Variants in RBMXL1 observed in about 807,000 individuals in gnomAD.
RBMXL1 encodes the protein RBMX like 1.
RBMXL1 carries 18 observed loss-of-function variants against 29.0 expected under a neutral mutation model. That is an observed-to-expected ratio of 0.62 (90% CI 0.43 to 0.92). The LOEUF is 0.92. RBMXL1 is among the 40% of genes least tolerant of loss of function. The pLI is 0.00. For missense variants in RBMXL1, 403 were observed against 495.8 expected (o/e 0.81, Z 1.78); for synonymous variants, 141 against 170.4 (o/e 0.83, Z 1.34).
chr1:88,985,833 C>G (rs188775275), intron 2 of RBMXL1, among the ~76,000 whole-genome samples: 17 of 152,222 alleles, frequency 1.1e-4, no homozygotes, highest in Admixed American at 8.5e-4. Context: ...CTAAAGGAGG[C>G]AAAGAGATAT....
At chr1:88,992,451 CCACCCCCGCAGG>C (rs913643691) in intron 1 of RBMXL1, 122 bp downstream of exon 1, 9 of 152,826 alleles carry the variant, frequency 5.9e-5, no homozygotes, top group Admixed American at 4.6e-4. Context: ...CTCCCTGCAG[CCACCCCCGCAGG>C]CGGCCCCGCA....
rs2101079753 is a variant in RBMXL1, at chr1:88,981,730, A to G, written c.*924T>C. ...GTGAATCAATCAGCACTCCACAAAC[A>G]TAATGAGCACAATCTTCAACCATCT... On this transcript the variant is annotated 3_prime_UTR_variant, in exon 3 of 3. Transcript: ENST00000652648. 1 of 181,322 alleles carries G rather than the reference A, an allele frequency of 5.5e-6. No individual in the cohort carries two copies. Among genetic ancestry groups the G allele is most frequent in the Middle Eastern group, 5.0e-4 (1 of 1,986 alleles). The allele number at this position is 181,322 out of a possible 1,614,324, so 11.2% of individuals were successfully genotyped here.
intron 1 of RBMXL1, 57 bp downstream of exon 1, chr1:88,992,528 G>C (rs1677874180): frequency 6.6e-6 from 1 of 152,304 alleles, no homozygotes; most frequent in African/African-American, 2.4e-5. Flanking sequence ...ACGCCGGGAC[G>C]GCCCTAGTCA....
chr1:88,990,845 A>C (rs1363668327), intron 1 of RBMXL1, among the ~76,000 whole-genome samples: 1 of 152,212 alleles, frequency 6.6e-6, no homozygotes, highest in African/African-American at 2.4e-5. Flanking sequence ...TAATGCAATC[A>C]ACATTGCATA....
At chr1:88,984,256 C>T (rs1270329441) in intron 2 of RBMXL1, among the ~76,000 whole-genome samples, 190 bp from the exon 3 acceptor site, 1 of 129,096 alleles carries the variant, frequency 7.7e-6, no homozygotes, top group Non-Finnish European at 1.6e-5. Context: ...ACAGTGTTGC[C>T]CAGGCTGGAG....
rs750023345 is a variant in RBMXL1, at chr1:88,982,997, C to T, written c.830G>A (p.Ser277Asn). Residue 277 changes from serine (S) to asparagine (N), a missense_variant, in exon 3 of 3, where the codon AGT (serine) becomes AAT (asparagine). Transcript: ENST00000652648. Reference sequence around the variant, plus strand: ...ATATGAATCTCTGTAGGAACCTCCACTTGGATGATCTGAATAGTCACGATC... The same window carrying T: ...ATATGAATCTCTGTAGGAACCTCCATTTGGATGATCTGAATAGTCACGATC... Reference protein sequence around the residue: ...GRDRDYSDHPSGGSYRDSYES... With the variant: ...GRDRDYSDHPNGGSYRDSYES... 6.8e-6 allele frequency: 11 copies of T among 1,613,180 alleles called. No homozygotes were observed. In the African/African-American group the frequency reaches 1.1e-4, roughly 16 times the overall value.
Position 88,984,029 on chromosome 1 carries a change from T to A in RBMXL1, c.-203A>T, listed in dbSNP as rs999302751. 4.1e-6 allele frequency: 2 copies of A among 488,820 alleles called. No individual in the cohort carries two copies. Among genetic ancestry groups the A allele is most frequent in the Non-Finnish European group, 3.9e-6 (1 of 259,630 alleles). The allele number at this position is 488,820 out of a possible 1,614,324, so 30.3% of individuals were successfully genotyped here. A position where few individuals can be genotyped will look rare whatever the true frequency, so the allele number is the denominator to read the frequency against. On this transcript the variant is annotated 5_prime_UTR_variant, in exon 3 of 3. Transcript: ENST00000652648. ...CAAAAAACCAGGAAAATTACTTTCTTTTGCCACTAGATGGCAGAGGAAAAC... is the reference window on the plus strand; with the variant it reads ...CAAAAAACCAGGAAAATTACTTTCTATTGCCACTAGATGGCAGAGGAAAAC...
chr1:88,988,729 T>C (rs1333575571), intron 1 of RBMXL1, among the ~76,000 whole-genome samples: 1 of 152,182 alleles, frequency 6.6e-6, no homozygotes, highest in East Asian at 1.9e-4. Context: ...AATTTCAGAA[T>C]CCTCTGGATA....
At position 88,982,405 on chromosome 1, in the gene RBMXL1, G is replaced by C; in HGVS notation, c.*249C>G. On this transcript the variant is annotated 3_prime_UTR_variant, in exon 3 of 3. Transcript: ENST00000652648. ...CTTTACTTGGAAAGTTACAACACTA[G>C]TACTACAAGGCTTAACACATTTAAC... 3.5e-6 allele frequency: 3 copies of C among 866,266 alleles called. No homozygotes were observed. The highest frequency in any genetic ancestry group is 4.9e-6 in the Non-Finnish European group (3 of 613,658). The allele number at this position is 866,266 out of a possible 1,614,324, so 53.7% of individuals were successfully genotyped here. A position where few individuals can be genotyped will look rare whatever the true frequency, so the allele number is the denominator to read the frequency against.
In RBMXL1 at chr1:88,986,115, A is replaced by G. The variant is rs1570850044; in HGVS notation, c.-240-2049T>C. Among the ~76,000 whole-genome samples, 6 of 151,560 alleles carry G rather than the reference A, an allele frequency of 4.0e-5. No homozygotes were observed. In the South Asian group the frequency reaches 1.0e-3, roughly 26 times the overall value. On this transcript the variant is annotated intron_variant, in intron 2 of 2. Transcript: ENST00000652648. ...AGAATTGCTTGAACCCGAGAGGCGG[A>G]GGCTGCAGTGAGCCGAGATTGCGCC... is the stretch of plus-strand genomic sequence containing the variant.
At chr1:88,985,227 T>C (rs1035491928) in intron 2 of RBMXL1, among the ~76,000 whole-genome samples, 1 of 152,144 alleles carries the variant, frequency 6.6e-6, no homozygotes, top group African/African-American at 2.4e-5. Context: ...AGTGAGTAAG[T>C]GAAGGGAGTG....
chr1:88,990,634 AAGACCT>A (rs1226200615), intron 1 of RBMXL1, among the ~76,000 whole-genome samples: 2 of 152,174 alleles, frequency 1.3e-5, no homozygotes, highest in African/African-American at 4.8e-5. Flanking sequence ...ATGGAATTCC[AAGACCT>A]AGACCTAGGC....
chr1:88,988,302 A>C lies in RBMXL1; in HGVS notation c.-291T>G, dbSNP rs1282560060. ...TTGGAAGAAGAAATTGTCTTCAGGA[A>C]TTTTGCTCTACCGCTAAGAGAGCAG... On this transcript the variant is annotated 5_prime_UTR_variant, in exon 2 of 3. Coordinates refer to ENST00000652648, the MANE Select transcript of RBMXL1 (RefSeq NM_001162536.3). 1 of 1,613,898 alleles carries C rather than the reference A, an allele frequency of 6.2e-7. No homozygotes were observed. Among genetic ancestry groups the C allele is most frequent in the East Asian group, 2.2e-5 (1 of 44,854 alleles).
At chr1:88,984,120 G>A (rs1187852963) in intron 2 of RBMXL1, 54 bp from the exon 3 acceptor site, 1 of 454,140 alleles carries the variant, frequency 2.2e-6, no homozygotes, top group East Asian at 3.8e-5. Flanking sequence ...TGTAAAGCAG[G>A]GAAAGATGCT....
Position 88,984,204 on chromosome 1 carries a change from C to CTTTTTTT in RBMXL1, c.-240-145_-240-139dup, listed in dbSNP as rs908183722. 133 of 81,752 alleles carry CTTTTTTT rather than the reference C, an allele frequency of 1.6e-3. 13 individuals carry two copies. Among genetic ancestry groups the CTTTTTTT allele is most frequent in the African/African-American group, 4.0e-3 (91 of 22,858 alleles). The allele number at this position is 81,752 out of a possible 1,614,324, so 5.1% of individuals were successfully genotyped here. On this transcript the variant is annotated intron_variant, in intron 2 of 2. Coordinates refer to ENST00000652648, the MANE Select transcript of RBMXL1 (RefSeq NM_001162536.3). ...ATTAACAGGAGCCCTTTTTTTGTTGCTTTTTTTTTTTTTTTTTTTTTTTTT... is the reference window on the plus strand; with the variant it reads ...ATTAACAGGAGCCCTTTTTTTGTTGCTTTTTTTTTTTTTTTTTTTTTTTTTTTTTTTT...
intron 2 of RBMXL1, among the ~76,000 whole-genome samples, chr1:88,986,180 TG>T (rs1462393369): frequency 2.4e-5 from 3 of 123,972 alleles, no homozygotes; most frequent in Admixed American, 8.0e-5. Flanking sequence ...AGAGACTGTA[TG>T]AAAAAAAAAA....
chr1:88,985,852 G>A (rs1337861220), intron 2 of RBMXL1, among the ~76,000 whole-genome samples: 3 of 152,174 alleles, frequency 2.0e-5, no homozygotes, highest in Non-Finnish European at 1.5e-5. Context: ...ATTGGGTATG[G>A]ACTAAATGTA....
In RBMXL1 at chr1:88,984,004, C is replaced by A; in HGVS notation, c.-178G>T. ...GCTTTTTAAGGTATGGCTATCCATT[C>A]AAAAAACCAGGAAAATTACTTTCTT... On this transcript the variant is annotated 5_prime_UTR_variant, in exon 3 of 3. Coordinates refer to ENST00000652648, the MANE Select transcript of RBMXL1 (RefSeq NM_001162536.3). 2 of 529,096 alleles carry A rather than the reference C, an allele frequency of 3.8e-6. No individual in the cohort carries two copies. The highest frequency in any genetic ancestry group is 2.1e-5 in the South Asian group (1 of 47,240). 32.8% of individuals were successfully genotyped at this position (529,096 alleles called of 1,614,324 possible).
rs116092743 is a variant in RBMXL1, at chr1:88,989,591, C to G, written c.-340-1240G>C. Among the ~76,000 whole-genome samples, 554 of 152,226 alleles carry G rather than the reference C, an allele frequency of 3.6e-3. 7 individuals are homozygous for G. Among genetic ancestry groups the G allele is most frequent in the African/African-American group, 0.013 (537 of 41,538 alleles). ...TTGGAAAATGGAAGAGAAAGGAAGA[C>G]CTGGGTCAGTTGCCAGGAATTACAT... On this transcript the variant is annotated intron_variant, in intron 1 of 2. Transcript: ENST00000652648.
Sources: allele counts gnomAD v4.1 joint callset (sites outside exome capture counted in the v4.1 genomes callset), GRCh38; gene constraint gnomAD v4.1.1; transcripts MANE v1.5; gene names NCBI Gene and HGNC (gene_info 2026-07-23, HGNC 2026-07-21).